NT5DC3: variants seen among roughly 807,000 people sequenced by gnomAD.
NT5DC3 encodes the protein 5'-nucleotidase domain containing 3, also known as 5'-nucleotidase domain-containing protein 3.
A neutral mutation model predicts 67.8 loss-of-function variants in NT5DC3; 42 were observed. The ratio of observed to expected loss-of-function variants is 0.62; its 90% CI spans 0.48 to 0.80. The LOEUF is 0.80. Among genes scored for constraint, NT5DC3 ranks in the 30% least tolerant of loss-of-function variants. NT5DC3 has a pLI of 0.00. For missense variants in NT5DC3, 570 were observed against 696.4 expected (o/e 0.82, Z 2.04); for synonymous variants, 237 against 255.6 (o/e 0.93, Z 0.69).
At chr12:103,793,795 G>A in intron 7 of NT5DC3, 142 bp downstream of exon 7, 2 of 690,652 alleles carry the variant, frequency 2.9e-6, no homozygotes, top group Non-Finnish European at 5.1e-6. Flanking sequence ...AGAGGAGACG[G>A]CTAACATGCC....
the NT5DC3 span, chr12:103,753,217 C>T: frequency 9.3e-6 from 15 of 1,613,908 alleles, no homozygotes; most frequent in East Asian, 2.4e-4. Context: ...CTTCCTCATC[C>T]AGATACCACT....
intron 1 of NT5DC3, among the ~76,000 whole-genome samples, chr12:103,836,669 T>C (rs1888160851): frequency 6.7e-6 from 1 of 148,774 alleles, no homozygotes; most frequent in African/African-American, 2.4e-5. Context: ...TTTTCCTTTT[T>C]CCTTTTTTAA....
At chr12:103,750,865 T>C in the NT5DC3 span, 3 of 1,148,258 alleles carry the variant, frequency 2.6e-6, no homozygotes, top group Non-Finnish European at 1.2e-6. Context: ...CCAAGGCAGA[T>C]GGATCACTTG....
intron 1 of NT5DC3, among the ~76,000 whole-genome samples, chr12:103,826,155 T>C (rs1887686245): frequency 1.3e-5 from 2 of 152,224 alleles, no homozygotes; most frequent in South Asian, 2.1e-4. Flanking sequence ...GTTACCAGCA[T>C]AATCTGGGAA....
chr12:103,814,865 G>A (rs1887180400), intron 2 of NT5DC3, 72 bp downstream of exon 2: 4 of 1,112,082 alleles, frequency 3.6e-6, no homozygotes, highest in Non-Finnish European at 5.0e-6. Context: ...GCAGACTTGG[G>A]GTCATGTCAG....
intron 1 of NT5DC3, among the ~76,000 whole-genome samples, chr12:103,815,488 C>G (rs1168381504): frequency 6.6e-6 from 1 of 152,194 alleles, no homozygotes; most frequent in Non-Finnish European, 1.5e-5. Context: ...GTGGCACAAT[C>G]ACAGCTCACT....
chr12:103,832,730 A>T (rs1314196444), intron 1 of NT5DC3, among the ~76,000 whole-genome samples: 1 of 152,134 alleles, frequency 6.6e-6, no homozygotes, highest in Non-Finnish European at 1.5e-5. Flanking sequence ...TTAAATCTAA[A>T]AAACAGTCCC....
the NT5DC3 span, among the ~76,000 whole-genome samples, chr12:103,760,315 C>T: frequency 2.6e-5 from 4 of 152,196 alleles, no homozygotes; most frequent in African/African-American, 4.8e-5. Context: ...GGCTGGAGCA[C>T]AGTGGCACAA....
the NT5DC3 span, chr12:103,746,841 C>T: frequency 1.3e-6 from 1 of 772,806 alleles, no homozygotes; most frequent in Non-Finnish European, 2.2e-6. Context: ...CTCTATGACT[C>T]AGTTTCTTTA....
At chr12:103,840,399 T>G (rs1361767855) in intron 1 of NT5DC3, among the ~76,000 whole-genome samples, 1 of 147,536 alleles carries the variant, frequency 6.8e-6, no homozygotes, top group African/African-American at 2.5e-5. Context: ...TCATCTCATC[T>G]CATCTCATCT....
the NT5DC3 span, among the ~76,000 whole-genome samples, chr12:103,749,391 A>G: frequency 1.3e-5 from 2 of 152,204 alleles, no homozygotes; most frequent in East Asian, 1.9e-4. Flanking sequence ...GTTAACAGTA[A>G]TGTACCAACA....
chr12:103,750,767 C>A, the NT5DC3 span: 1 of 1,569,808 alleles, frequency 6.4e-7, no homozygotes, highest in Non-Finnish European at 8.7e-7. Flanking sequence ...CCTCTTCAGG[C>A]CTGGGGAAGG....
At chr12:103,840,396 A>T (rs1350581563) in intron 1 of NT5DC3, among the ~76,000 whole-genome samples, 1 of 143,730 alleles carries the variant, frequency 7.0e-6, no homozygotes, top group African/African-American at 2.6e-5. Context: ...ATCTCATCTC[A>T]TCTCATCTCA....
chr12:103,792,035 T>C (rs1164260079), intron 9 of NT5DC3, among the ~76,000 whole-genome samples: 1 of 152,146 alleles, frequency 6.6e-6, no homozygotes, highest in Admixed American at 6.5e-5. Flanking sequence ...AATAAGCGCT[T>C]TGCACTGATC....
intron 6 of NT5DC3, among the ~76,000 whole-genome samples, chr12:103,794,858 T>C (rs551778756): frequency 1.9e-3 from 289 of 152,262 alleles, no homozygotes; most frequent in Non-Finnish European, 3.5e-3. Context: ...AAACCCTTTG[T>C]GGGTTCAGGA....
At chr12:103,755,251 C>A in the NT5DC3 span, 1 of 1,596,670 alleles carries the variant, frequency 6.3e-7, no homozygotes, top group Non-Finnish European at 8.5e-7. Context: ...CAAGTGATGC[C>A]ACAACACATG....
the NT5DC3 span, among the ~76,000 whole-genome samples, chr12:103,756,312 A>G: frequency 6.6e-6 from 1 of 152,362 alleles, no homozygotes; most frequent in Non-Finnish European, 1.5e-5. Context: ...ACCTAACAGT[A>G]ATAATGACAA....
At chr12:103,816,095 GAACA>G (rs912239164) in intron 1 of NT5DC3, among the ~76,000 whole-genome samples, 1 of 152,134 alleles carries the variant, frequency 6.6e-6, no homozygotes, top group Non-Finnish European at 1.5e-5. Context: ...CACTTTTTGA[GAACA>G]AACTATTACA....
intron 5 of NT5DC3, 126 bp from the exon 6 acceptor site, chr12:103,797,157 A>C: frequency 2.0e-6 from 2 of 1,014,236 alleles, no homozygotes; most frequent in Middle Eastern, 3.3e-4. Flanking sequence ...AACACAAAAA[A>C]GGAAAGTTCT....
Sources: allele counts gnomAD v4.1 joint callset (sites outside exome capture counted in the v4.1 genomes callset), GRCh38; gene constraint gnomAD v4.1.1; transcripts MANE v1.5; gene names NCBI Gene and HGNC (gene_info 2026-07-23, HGNC 2026-07-21).